The following SMOC2 variants were observed in gnomAD, a reference collection of about 807,000 sequenced individuals.
The protein encoded by SMOC2 is SPARC-related modular calcium-binding protein 2.
A neutral mutation model predicts 61.4 loss-of-function variants in SMOC2; 39 were observed. The observed-to-expected ratio is 0.64, with a 90% CI of 0.49 to 0.83. SMOC2 has a LOEUF of 0.83. Among genes scored for constraint, SMOC2 ranks in the 40% least tolerant of loss-of-function variants. The pLI, the probability that SMOC2 is intolerant of heterozygous loss-of-function variation, is 0.00. For synonymous variants in SMOC2, 247 were observed against 239.9 expected (o/e 1.03, Z -0.27); for missense variants, 556 against 592.9 (o/e 0.94, Z 0.65).
intron 7 of SMOC2, among the ~76,000 whole-genome samples, chr6:168,556,456 G>A (rs1256663996): frequency 1.3e-5 from 2 of 152,112 alleles, no homozygotes. Flanking sequence ...CTCGCAGACT[G>A]TGCGGGCCCT....
At chr6:168,649,244 A>G (rs1016831788) in intron 9 of SMOC2, among the ~76,000 whole-genome samples, 1 of 152,232 alleles carries the variant, frequency 6.6e-6, no homozygotes, top group African/African-American at 2.4e-5. Flanking sequence ...GGGGCCGTCT[A>G]AAACTTTTCT....
intron 7 of SMOC2, among the ~76,000 whole-genome samples, chr6:168,559,414 C>T (rs1209932121): frequency 6.6e-6 from 1 of 151,744 alleles, no homozygotes; most frequent in Non-Finnish European, 1.5e-5. Context: ...GAGATTGTAC[C>T]ACTGCACTCT....
At chr6:168,494,968 G>A (rs1329860693) in intron 1 of SMOC2, among the ~76,000 whole-genome samples, 1 of 152,160 alleles carries the variant, frequency 6.6e-6, no homozygotes, top group Non-Finnish European at 1.5e-5. Context: ...TGCTCACCTC[G>A]CTCGGCCTTG....
chr6:168,442,006 C>A (rs1033006876), intron 1 of SMOC2, among the ~76,000 whole-genome samples: 3 of 152,244 alleles, frequency 2.0e-5, no homozygotes, highest in African/African-American at 7.2e-5. Flanking sequence ...GGATCCCGGG[C>A]CTCTCGCCGG....
chr6:168,621,815 T>C (rs1156886224), intron 9 of SMOC2, among the ~76,000 whole-genome samples: 1 of 152,102 alleles, frequency 6.6e-6, no homozygotes, highest in Non-Finnish European at 1.5e-5. Flanking sequence ...TTGACATGTG[T>C]AGATTATGGG....
At position 168,499,298 on chromosome 6, in the gene SMOC2, C is replaced by T. The variant is rs142516157; in HGVS notation, c.85-10617C>T. On this transcript the variant is annotated intron_variant, in intron 1 of 12. Coordinates refer to ENST00000356284, the MANE Select transcript of SMOC2 (RefSeq NM_001166412.2). Reference sequence around the variant, plus strand: ...CAGGTGCCGTTGGGCATGTGGGAACCGCAGTCCAACGTGTGCTTCATACTT... The same window carrying T: ...CAGGTGCCGTTGGGCATGTGGGAACTGCAGTCCAACGTGTGCTTCATACTT... Among the ~76,000 whole-genome samples the T allele has an allele frequency of 1.5e-4, 23 of 152,326 alleles. No individual in the cohort carries two copies. The East Asian group carries it at 4.4e-3, about 29-fold the overall frequency.
chr6:168,526,439 G>A lies in SMOC2; in HGVS notation c.350G>A (p.Gly117Asp), dbSNP rs772893266. The change falls in exon 3 of 13, where the codon GGC (glycine) becomes GAC (aspartate). Residue 117 changes from glycine (G) to aspartate (D), a missense_variant. Transcript: ENST00000356284. ...QVFIPECNDDGTYSQVQCHSY... is the reference protein window; with the variant it reads ...QVFIPECNDDDTYSQVQCHSY... ...TTCATTCCTGAGTGCAATGACGACG[G>A]CACCTACAGTCAGGTTACCGGCCTT... is the stretch of plus-strand genomic sequence containing the variant. 3 of 1,613,946 alleles carry A rather than the reference G, an allele frequency of 1.9e-6. No individual in the cohort carries two copies. Among genetic ancestry groups the A allele is most frequent in the Non-Finnish European group, 2.5e-6 (3 of 1,179,962 alleles).
intron 8 of SMOC2, among the ~76,000 whole-genome samples, chr6:168,607,049 T>C (rs1034873969): frequency 6.6e-6 from 1 of 151,836 alleles, no homozygotes; most frequent in Non-Finnish European, 1.5e-5. Context: ...AAAGGGGCGG[T>C]GGGTGTGCTG....
Position 168,609,085 on chromosome 6 carries a change from C to T in SMOC2, c.907+846C>T, listed in dbSNP as rs369805294. On this transcript the variant is annotated intron_variant, in intron 9 of 12. Coordinates refer to ENST00000356284, the MANE Select transcript of SMOC2 (RefSeq NM_001166412.2). ...TGAGGACAGGGTAGAGCAGAATGTC[C>T]ACAGTCTATACATGTTTCATTGCTA... is the stretch of plus-strand genomic sequence containing the variant. Among the ~76,000 whole-genome samples the T allele has an allele frequency of 3.3e-5, 5 of 152,292 alleles. No homozygotes were observed. In the East Asian group the frequency reaches 9.7e-4, roughly 29 times the overall value.
chr6:168,646,885 G>A (rs541423316), intron 9 of SMOC2, among the ~76,000 whole-genome samples: 1 of 152,308 alleles, frequency 6.6e-6, no homozygotes, highest in East Asian at 1.9e-4. Flanking sequence ...GAGGATACTT[G>A]GGCTAAGCTA....
At chr6:168,648,231 A>G (rs549190931) in intron 9 of SMOC2, among the ~76,000 whole-genome samples, 1 of 152,338 alleles carries the variant, frequency 6.6e-6, no homozygotes, top group Admixed American at 6.5e-5. Context: ...TCTGGAGGCC[A>G]GTGGAGGACT....
chr6:168,454,636 G>A (rs1337216484), intron 1 of SMOC2, among the ~76,000 whole-genome samples: 1 of 152,222 alleles, frequency 6.6e-6, no homozygotes, highest in Non-Finnish European at 1.5e-5. Flanking sequence ...TTGTTCTTGG[G>A]ATTTTCTAAA....
chr6:168,494,160 A>C (rs1782534823), intron 1 of SMOC2, among the ~76,000 whole-genome samples: 1 of 152,184 alleles, frequency 6.6e-6, no homozygotes, highest in Non-Finnish European at 1.5e-5. Context: ...TACTAAGAGC[A>C]GTTTTCCTTC....
Position 168,530,737 on chromosome 6 carries a change from C to A in SMOC2, c.463+3010C>A, listed in dbSNP as rs1197751728. Among the ~76,000 whole-genome samples, 3 of 147,686 alleles carry A rather than the reference C, an allele frequency of 2.0e-5. No individual in the cohort carries two copies. The Admixed American group carries it at 2.1e-4, about 10-fold the overall frequency. Reference sequence around the variant, plus strand: ...GACAGAGCTGCGGGTGTGGTGGGAACTGGTACTGCCCTTTGCAACATCAGT... The same window carrying A: ...GACAGAGCTGCGGGTGTGGTGGGAAATGGTACTGCCCTTTGCAACATCAGT... On this transcript the variant is annotated intron_variant, in intron 4 of 12. Coordinates refer to ENST00000356284, the MANE Select transcript of SMOC2 (RefSeq NM_001166412.2).
chr6:168,494,761 C>T (rs887012596), intron 1 of SMOC2, among the ~76,000 whole-genome samples: 2 of 152,178 alleles, frequency 1.3e-5, no homozygotes, highest in African/African-American at 4.8e-5. Context: ...TCGGCTGGAG[C>T]AGCCCCATCC....
chr6:168,464,556 A>C (rs928081751), intron 1 of SMOC2, among the ~76,000 whole-genome samples: 2 of 115,340 alleles, frequency 1.7e-5, no homozygotes, highest in Non-Finnish European at 3.5e-5. Context: ...ATATTCAATT[A>C]GGATTTTCAT....
intron 6 of SMOC2, among the ~76,000 whole-genome samples, chr6:168,548,580 G>T (rs1267816332): frequency 1.3e-5 from 2 of 151,030 alleles, no homozygotes; most frequent in Non-Finnish European, 2.9e-5. Context: ...TGGCCAGGCT[G>T]GTCTTGAACA....
At chr6:168,603,242 CTTTTT>C (rs35236951) in intron 8 of SMOC2, among the ~76,000 whole-genome samples, 2 of 96,364 alleles carry the variant, frequency 2.1e-5, no homozygotes, top group Non-Finnish European at 2.0e-5. Context: ...TCAATTAAAC[CTTTTT>C]TTTTTTTTTT....
chr6:168,618,745 C>T (rs1424344217), intron 9 of SMOC2, among the ~76,000 whole-genome samples: 1 of 152,082 alleles, frequency 6.6e-6, no homozygotes, highest in Non-Finnish European at 1.5e-5. Context: ...GCGCTCAGGA[C>T]ATCAGTAGCC....
Sources: allele counts gnomAD v4.1 joint callset (sites outside exome capture counted in the v4.1 genomes callset), GRCh38; gene constraint gnomAD v4.1.1; transcripts MANE v1.5; gene names NCBI Gene and HGNC (gene_info 2026-07-23, HGNC 2026-07-21).